Variants in SLC8A1 observed in about 807,000 individuals in gnomAD.
SLC8A1 encodes the protein sodium/calcium exchanger 1.
Under a neutral mutation model 68.3 loss-of-function variants are expected in SLC8A1, and 18 were observed. That is an observed-to-expected ratio of 0.26 (90% CI 0.18 to 0.39). The LOEUF (loss-of-function observed/expected upper bound fraction) is 0.39, where lower values mean the gene tolerates loss of function less well. Among genes scored for constraint, SLC8A1 ranks in the 10% least tolerant of loss-of-function variants. The pLI, the probability that SLC8A1 is intolerant of heterozygous loss-of-function variation, is 1.00. For synonymous variants in SLC8A1, 475 were observed against 415.5 expected (o/e 1.14, Z -1.74); for missense variants, 985 against 1,156.7 (o/e 0.85, Z 2.15).
At chr2:40,319,523 C>G (rs1333220371) in intron 2 of SLC8A1, among the ~76,000 whole-genome samples, 2 of 152,052 alleles carry the variant, frequency 1.3e-5, no homozygotes, top group Non-Finnish European at 2.9e-5. Flanking sequence ...TGTTCTTTAT[C>G]AGAGACGTTC....
intron 2 of SLC8A1, among the ~76,000 whole-genome samples, chr2:40,337,085 C>G (rs1014448708): frequency 2.0e-5 from 3 of 152,104 alleles, no homozygotes; most frequent in Non-Finnish European, 4.4e-5. Flanking sequence ...GGAAACAAGG[C>G]AAATGTTGCT....
At chr2:40,508,407 A>C (rs1706502938) in intron 1 of SLC8A1, among the ~76,000 whole-genome samples, 1 of 151,906 alleles carries the variant, frequency 6.6e-6, no homozygotes, top group Admixed American at 6.6e-5. Flanking sequence ...AAATTTGCCA[A>C]TGTTTTAGAA....
intron 2 of SLC8A1, among the ~76,000 whole-genome samples, chr2:40,262,821 A>G (rs1016474130): frequency 6.6e-6 from 1 of 152,110 alleles, no homozygotes; most frequent in Admixed American, 6.5e-5. Flanking sequence ...TATATGAGAG[A>G]GTTGCTAAAA....
At chr2:40,248,935 G>A (rs1028521758) in intron 2 of SLC8A1, among the ~76,000 whole-genome samples, 2 of 152,108 alleles carry the variant, frequency 1.3e-5, no homozygotes, top group African/African-American at 2.4e-5. Flanking sequence ...TTCACCTCGT[G>A]ATGTCTTTTA....
intron 2 of SLC8A1, among the ~76,000 whole-genome samples, chr2:40,415,932 G>GGTGTCTAT: frequency 6.8e-6 from 1 of 148,122 alleles, no homozygotes; most frequent in Non-Finnish European, 1.5e-5. Context: ...CGTGGTGGCA[G>GGTGTCTAT]GTGTCTATAA....
intron 2 of SLC8A1, among the ~76,000 whole-genome samples, chr2:40,288,189 T>C (rs1014076727): frequency 2.6e-5 from 4 of 152,258 alleles, no homozygotes; most frequent in South Asian, 4.1e-4. Flanking sequence ...AAACAAATAA[T>C]AGACCCCCTC....
At chr2:40,242,989 C>T (rs1165229835) in intron 2 of SLC8A1, among the ~76,000 whole-genome samples, 1 of 152,104 alleles carries the variant, frequency 6.6e-6, no homozygotes, top group African/African-American at 2.4e-5. Flanking sequence ...CAGAGATATA[C>T]AAGGTAGTTC....
At chr2:40,387,936 C>CAAAAAAA (rs57394425) in intron 2 of SLC8A1, among the ~76,000 whole-genome samples, 15 of 90,938 alleles carry the variant, frequency 1.6e-4, no homozygotes, top group Non-Finnish European at 2.1e-4. Flanking sequence ...GAGACTGCCT[C>CAAAAAAA]AAAAAAAAAA....
chr2:40,366,187 C>T lies in SLC8A1; in HGVS notation c.1808+62286G>A, dbSNP rs1676143750. On this transcript the variant is annotated intron_variant, in intron 2 of 7. Coordinates refer to ENST00000406785, the Ensembl canonical transcript of SLC8A1. ...CCTCATAAGGGCACTGTCAAATGGG[C>T]TAATACACATGAGTACTTAGAACAA... Among the ~76,000 whole-genome samples, 3 of 152,068 alleles carry T rather than the reference C, an allele frequency of 2.0e-5. No homozygotes were observed. The South Asian group carries it at 6.2e-4, about 32-fold the overall frequency.
chr2:40,274,231 A>C (rs1364045094), intron 2 of SLC8A1, among the ~76,000 whole-genome samples: 2 of 149,288 alleles, frequency 1.3e-5, no homozygotes, highest in African/African-American at 2.5e-5. Flanking sequence ...ATTTCTACCA[A>C]GGAAACCTGG....
At chr2:40,115,904 T>G (rs1258391792) in intron 7 of SLC8A1, among the ~76,000 whole-genome samples, 1 of 152,210 alleles carries the variant, frequency 6.6e-6, no homozygotes, top group Non-Finnish European at 1.5e-5. Flanking sequence ...TTTGTAATAT[T>G]GACCTTGCAG....
At chr2:40,296,960 A>T (rs2070510185) in intron 2 of SLC8A1, among the ~76,000 whole-genome samples, 1 of 152,182 alleles carries the variant, frequency 6.6e-6, no homozygotes, top group Non-Finnish European at 1.5e-5. Context: ...CATTAATGAT[A>T]ATGGTAATGA....
chr2:40,486,772 T>C (rs59000401), intron 1 of SLC8A1, among the ~76,000 whole-genome samples: 6,560 of 151,900 alleles, frequency 0.043, 307 homozygotes, highest in Admixed American at 0.11. Flanking sequence ...GTGCACAATG[T>C]GCAGGTTTGT....
At chr2:40,159,578 G>A (rs550112506) in intron 6 of SLC8A1, among the ~76,000 whole-genome samples, 2 of 152,254 alleles carry the variant, frequency 1.3e-5, no homozygotes, top group South Asian at 4.1e-4. Context: ...TGTCTGTGAA[G>A]AGGGAGTATA....
chr2:40,289,969 A>AT (rs1429284926), intron 2 of SLC8A1, among the ~76,000 whole-genome samples: 2 of 152,080 alleles, frequency 1.3e-5, no homozygotes, highest in East Asian at 1.9e-4. Context: ...AGACAAACAT[A>AT]TTTTTTAGGT....
At chr2:40,410,499 C>G (rs1055918245) in intron 2 of SLC8A1, among the ~76,000 whole-genome samples, 3 of 151,454 alleles carry the variant, frequency 2.0e-5, no homozygotes, top group Admixed American at 1.3e-4. Flanking sequence ...CAAATATTTC[C>G]GGGGAAAAAC....
chr2:40,255,170 GACAA>G (rs1199883883), intron 2 of SLC8A1: 1 of 152,080 alleles, frequency 6.6e-6, no homozygotes, highest in Non-Finnish European at 1.5e-5. Flanking sequence ...ATGTTAACAT[GACAA>G]ACAACAAGGA....
intron 1 of SLC8A1, among the ~76,000 whole-genome samples, chr2:40,495,872 A>G (rs1445949551): frequency 6.6e-6 from 1 of 152,082 alleles, no homozygotes; most frequent in Non-Finnish European, 1.5e-5. Context: ...TGATAGGATT[A>G]GGCTTCGTCA....
intron 2 of SLC8A1, among the ~76,000 whole-genome samples, chr2:40,282,642 C>T (rs1324351144): frequency 6.6e-6 from 1 of 152,086 alleles, no homozygotes; most frequent in East Asian, 1.9e-4. Flanking sequence ...CCGTTTAGTA[C>T]CGAAATAAAA....
Sources: gnomAD v4.1 joint callset for allele counts (sites outside exome capture counted in the v4.1 genomes callset) on GRCh38, gnomAD v4.1.1 for gene constraint, MANE v1.5 for transcripts, NCBI Gene and HGNC (gene_info 2026-07-23, HGNC 2026-07-21) for gene names.